The following PLD5 variants were observed in gnomAD, a reference collection of about 807,000 sequenced individuals.
PLD5 encodes phospholipase D family member 5, also known as inactive phospholipase D5.
In PLD5, 36 loss-of-function variants were observed where a neutral mutation model predicts 61.1. The ratio of observed to expected loss-of-function variants is 0.59; its 90% CI spans 0.45 to 0.78. The LOEUF (loss-of-function observed/expected upper bound fraction) is 0.78, where lower values mean the gene tolerates loss of function less well. PLD5 is among the 30% of genes least tolerant of loss of function. The pLI, the probability that PLD5 is intolerant of heterozygous loss-of-function variation, is 0.00. For missense variants in PLD5, 515 were observed against 644.4 expected, an observed-to-expected ratio of 0.80 and a Z score of 2.17; for synonymous variants, 243 against 242.8, an observed-to-expected ratio of 1.00 and a Z score of -0.01.
At chr1:242,114,946 G>A (rs1322689718) in intron 6 of PLD5, among the ~76,000 whole-genome samples, 1 of 152,192 alleles carries the variant, frequency 6.6e-6, no homozygotes, top group Non-Finnish European at 1.5e-5. Context: ...GGAGGCTGAG[G>A]TGGCCGGATC....
chr1:242,342,232 G>C (rs1574764687), intron 2 of PLD5, among the ~76,000 whole-genome samples: 1 of 152,330 alleles, frequency 6.6e-6, no homozygotes, highest in East Asian at 1.9e-4. Context: ...GTCTAATAGT[G>C]TCTCTAATAA....
At chr1:242,289,599 CCT>C (rs1675240679) in intron 2 of PLD5, among the ~76,000 whole-genome samples, 1 of 152,124 alleles carries the variant, frequency 6.6e-6, no homozygotes, top group Non-Finnish European at 1.5e-5. Flanking sequence ...ATGATCCCCC[CCT>C]GCCTTGGCCT....
At chr1:242,446,983 C>G (rs1208411660) in intron 1 of PLD5, among the ~76,000 whole-genome samples, 1 of 152,172 alleles carries the variant, frequency 6.6e-6, no homozygotes, top group Non-Finnish European at 1.5e-5. Context: ...GCACAGAACT[C>G]TGTGTGCCTT....
intron 1 of PLD5, among the ~76,000 whole-genome samples, chr1:242,488,651 C>T (rs1044334542): frequency 1.3e-5 from 2 of 152,084 alleles, no homozygotes; most frequent in East Asian, 1.9e-4. Flanking sequence ...GATATTATGA[C>T]GGTGGATATA....
At chr1:242,220,568 G>A (rs1350210294) in intron 4 of PLD5, among the ~76,000 whole-genome samples, 6 of 151,980 alleles carry the variant, frequency 3.9e-5, no homozygotes, top group East Asian at 1.9e-4. Flanking sequence ...TCAATAAGAC[G>A]TTGGCCTCAT....
intron 2 of PLD5, among the ~76,000 whole-genome samples, chr1:242,338,263 C>T (rs548446708): frequency 3.3e-5 from 5 of 152,292 alleles, no homozygotes; most frequent in Admixed American, 2.6e-4. Flanking sequence ...TCCCACTCCA[C>T]TCCCTCCATC....
At chr1:242,186,502 T>A (rs778611213) in intron 5 of PLD5, among the ~76,000 whole-genome samples, 5 of 152,140 alleles carry the variant, frequency 3.3e-5, no homozygotes, top group South Asian at 2.1e-4. Flanking sequence ...AGGAATATAT[T>A]TTTTTTAAAG....
intron 5 of PLD5, among the ~76,000 whole-genome samples, chr1:242,130,342 G>A (rs1256180921): frequency 3.3e-5 from 5 of 152,168 alleles, no homozygotes; most frequent in Admixed American, 1.3e-4. Flanking sequence ...ATAAGCCACC[G>A]CACCAGGCCT....
intron 5 of PLD5, among the ~76,000 whole-genome samples, chr1:242,181,277 G>A (rs973132978): frequency 2.0e-5 from 3 of 152,184 alleles, no homozygotes; most frequent in African/African-American, 7.2e-5. Context: ...GTAGCAAGGC[G>A]ATGGGCCTGC....
intron 1 of PLD5, among the ~76,000 whole-genome samples, chr1:242,375,536 C>A (rs1164749440): frequency 6.6e-6 from 1 of 152,060 alleles, no homozygotes; most frequent in South Asian, 2.1e-4. Context: ...AGCAGCAAGA[C>A]CTTTCGAGGA....
At chr1:242,476,464 T>C (rs71652413) in intron 1 of PLD5, among the ~76,000 whole-genome samples, 9,420 of 152,240 alleles carry the variant, frequency 0.062, 446 homozygotes, top group Admixed American at 0.13. Flanking sequence ...AACTTTTTTC[T>C]AGGATTATTG....
chr1:242,203,376 C>T (rs1395349536), intron 5 of PLD5, among the ~76,000 whole-genome samples: 1 of 152,192 alleles, frequency 6.6e-6, no homozygotes, highest in Admixed American at 6.5e-5. Context: ...ACTCAAGCAA[C>T]AGCAGCTGAC....
intron 1 of PLD5, among the ~76,000 whole-genome samples, chr1:242,509,456 T>C (rs1668834319): frequency 6.6e-6 from 1 of 152,202 alleles, no homozygotes; most frequent in Non-Finnish European, 1.5e-5. Context: ...ATTATTGATG[T>C]TTTGTCAATA....
Position 242,419,488 on chromosome 1 carries a change from C to T in PLD5, c.190-71246G>A, listed in dbSNP as rs566428073. ...TCAGCTCATGGCAACCTCCACCTCC[C>T]GGGTTCACACAATTCTCCTGCCTCA... On this transcript the variant is annotated intron_variant, in intron 1 of 9. Coordinates refer to ENST00000536534, the MANE Select transcript of PLD5 (RefSeq NM_001372062.1). Among the ~76,000 whole-genome samples, 4 of 150,808 alleles carry T rather than the reference C, an allele frequency of 2.7e-5. No individual in the cohort carries two copies. The South Asian group carries it at 6.3e-4, about 24-fold the overall frequency.
rs144919580 is a variant in PLD5, at chr1:242,408,431, A to G, written c.190-60189T>C. Among the ~76,000 whole-genome samples, 22 of 152,324 alleles carry G rather than the reference A, an allele frequency of 1.4e-4. No homozygotes were observed. The East Asian group carries it at 4.1e-3, about 28-fold the overall frequency. On this transcript the variant is annotated intron_variant, in intron 1 of 9. Transcript: ENST00000536534. ...GGGCCTGGTGGGAGATGTTTGCATC[A>G]TGGAACTGATCTCTCATGAATGGTT...
chr1:242,378,959 TAAATA>T (rs1218249424), intron 1 of PLD5, among the ~76,000 whole-genome samples: 1 of 152,216 alleles, frequency 6.6e-6, no homozygotes, highest in Non-Finnish European at 1.5e-5. Context: ...GGTCTCTCCC[TAAATA>T]ATCCAAAGCC....
intron 5 of PLD5, among the ~76,000 whole-genome samples, chr1:242,144,743 T>C (rs1664429634): frequency 6.6e-6 from 1 of 152,152 alleles, no homozygotes; most frequent in Non-Finnish European, 1.5e-5. Flanking sequence ...ATTGCGCCAC[T>C]GTACTCCAGC....
At chr1:242,154,144 TTGTC>T (rs1483084542) in intron 5 of PLD5, among the ~76,000 whole-genome samples, 2 of 151,840 alleles carry the variant, frequency 1.3e-5, no homozygotes, top group Non-Finnish European at 2.9e-5. Context: ...ATTTGGCTGT[TTGTC>T]TGTTATTGGT....
At chr1:242,517,573 C>T (rs1421689347) in intron 1 of PLD5, among the ~76,000 whole-genome samples, 1 of 151,996 alleles carries the variant, frequency 6.6e-6, no homozygotes, top group African/African-American at 2.4e-5. Context: ...ATGACAGTAT[C>T]CATTGCTTAT....
Sources: allele counts gnomAD v4.1 joint callset (sites outside exome capture counted in the v4.1 genomes callset), GRCh38; gene constraint gnomAD v4.1.1; transcripts MANE v1.5; gene names NCBI Gene and HGNC (gene_info 2026-07-23, HGNC 2026-07-21).